KMT2A: variants seen among roughly 807,000 people sequenced by gnomAD.
The protein encoded by KMT2A is histone-lysine N-methyltransferase 2A.
A neutral mutation model predicts 345.3 loss-of-function variants in KMT2A; 16 were observed. That is an observed-to-expected ratio of 0.05 (90% CI 0.03 to 0.07). The LOEUF is 0.07. KMT2A is among the 10% of genes least tolerant of loss of function. The pLI is 1.00. For missense variants in KMT2A, 3,272 were observed against 4,841.6 expected, an observed-to-expected ratio of 0.68 and a Z score of 9.62; for synonymous variants, 1,599 against 1,778.6, an observed-to-expected ratio of 0.90 and a Z score of 2.54.
intron 10 of KMT2A, among the ~76,000 whole-genome samples, chr11:118,486,488 A>T (rs1442771692): frequency 6.6e-6 from 1 of 152,122 alleles, no homozygotes; most frequent in Non-Finnish European, 1.5e-5. Flanking sequence ...TTTATAAGGG[A>T]CATATCCTAC....
intron 1 of KMT2A, among the ~76,000 whole-genome samples, chr11:118,461,883 G>C (rs1253172616): frequency 6.6e-6 from 1 of 152,176 alleles, no homozygotes; most frequent in Non-Finnish European, 1.5e-5. Flanking sequence ...GAGAGTGATG[G>C]AGCAAGATGA....
intron 28 of KMT2A, 55 bp downstream of exon 28, chr11:118,507,664 T>G (rs1338029826): frequency 1.4e-6 from 2 of 1,461,086 alleles, no homozygotes; most frequent in Non-Finnish European, 1.9e-6. Flanking sequence ...TCCACCTCAT[T>G]TAAAAAATAG....
chr11:118,439,158 C>CAAAAAAAAAAAAA, intron 1 of KMT2A: 8 of 265,446 alleles, frequency 3.0e-5, no homozygotes, highest in Admixed American at 5.3e-5. Flanking sequence ...GATACAGCAG[C>CAAAAAAAAAAAAA]AAAAAAAAAA....
chr11:118,480,368 C>A (rs1950110410), intron 6 of KMT2A, 130 bp downstream of exon 6: 1 of 633,820 alleles, frequency 1.6e-6, no homozygotes, highest in Non-Finnish European at 2.7e-6. Flanking sequence ...ATTGTTGAAG[C>A]TAGGTAATAG....
In KMT2A at chr11:118,498,275, G is replaced by A; in HGVS notation, c.5803-95G>A. Reference sequence around the variant, plus strand: ...TTATCAATAGATAAAATGAATTGTAGGAACTGTAGAATGGGATGAGTCTAT... The same window carrying A: ...TTATCAATAGATAAAATGAATTGTAAGAACTGTAGAATGGGATGAGTCTAT... On this transcript the variant is annotated intron_variant, in intron 21 of 35. Coordinates refer to ENST00000534358, the MANE Select transcript of KMT2A (RefSeq NM_001197104.2). This position sits in a 1 kb window ranked among gnomAD's most constrained non-coding sequence, Gnocchi z 4.4. 8.0e-7 allele frequency: 1 copy of A among 1,244,628 alleles called. No homozygotes were observed. The highest frequency in any genetic ancestry group is 1.1e-6 in the Non-Finnish European group (1 of 891,366). 77.1% of individuals were successfully genotyped at this position (1,244,628 alleles called of 1,614,324 possible). A position where few individuals can be genotyped will look rare whatever the true frequency, so the allele number is the denominator to read the frequency against.
chr11:118,514,309 CT>C (rs2135256209), intron 31 of KMT2A, among the ~76,000 whole-genome samples: 1 of 152,334 alleles, frequency 6.6e-6, no homozygotes, highest in East Asian at 1.9e-4. Context: ...TCTACGGATC[CT>C]TACATGGCGA....
At chr11:118,515,314 C>CAAGAA (rs1950787926) in intron 31 of KMT2A, among the ~76,000 whole-genome samples, 1 of 152,222 alleles carries the variant, frequency 6.6e-6, no homozygotes, top group Non-Finnish European at 1.5e-5. Context: ...AGACTTTGCT[C>CAAGAA]AAGGTCACCT....
intron 1 of KMT2A, among the ~76,000 whole-genome samples, chr11:118,457,685 T>C (rs1555031326): frequency 6.6e-6 from 1 of 151,856 alleles, no homozygotes; most frequent in Non-Finnish European, 1.5e-5. Context: ...CTCTGTGCCT[T>C]TGTATGTGTT....
At position 118,436,841 on chromosome 11, in the gene KMT2A, C is replaced by T. The variant is rs782228843; in HGVS notation, c.329C>T (p.Pro110Leu). ...SSGPALLRVG[P>L]GFDAALQVSA... ...GGGCCGGCCCTGCTCCGGGTGGGCC[C>T]GGGCTTCGACGCGGCGCTGCAGGTC... Residue 110 changes from proline (P) to leucine (L), a missense_variant, in exon 1 of 36, where the codon CCG (proline) becomes CTG (leucine). This residue lies in a region of KMT2A where 412 missense variants were observed against 511.0 expected (regional missense o/e 0.81). Coordinates refer to ENST00000534358, the MANE Select transcript of KMT2A (RefSeq NM_001197104.2). This position sits in a 1 kb window ranked among gnomAD's most constrained non-coding sequence, Gnocchi z 6.9. The T allele has an allele frequency of 1.2e-6, 2 of 1,604,194 alleles. No individual in the cohort carries two copies. The highest frequency in any genetic ancestry group is 1.7e-6 in the Non-Finnish European group (2 of 1,175,992).
chr11:118,475,505 C>T (rs1591378271), intron 3 of KMT2A, among the ~76,000 whole-genome samples: 1 of 152,114 alleles, frequency 6.6e-6, no homozygotes, highest in Admixed American at 6.6e-5. Flanking sequence ...AGGTGGATCA[C>T]GAGGTCAGGA....
At chr11:118,508,744 A>C (rs1950633193) in intron 28 of KMT2A, among the ~76,000 whole-genome samples, 1 of 151,984 alleles carries the variant, frequency 6.6e-6, no homozygotes, top group African/African-American at 2.4e-5. Context: ...AAAAGGTGAA[A>C]ATTGATTGTG....
At position 118,502,825 on chromosome 11, in the gene KMT2A, C is replaced by G. The variant is rs1015615897; in HGVS notation, c.6933C>G (p.Thr2311=). 5.6e-6 allele frequency: 9 copies of G among 1,614,014 alleles called. No individual in the cohort carries two copies. The highest frequency in any genetic ancestry group is 7.6e-6 in the Non-Finnish European group (9 of 1,180,026). Reference sequence around the variant, plus strand: ...GCTCCTCTTTAAAGGGAGAGAAGACCAAAGTGCTGAGTTCCAAGAGCTCAG... The same window carrying G: ...GCTCCTCTTTAAAGGGAGAGAAGACGAAAGTGCTGAGTTCCAAGAGCTCAG... ...SKSSSLKGEK[T]KVLSSKSSEG... The change falls in exon 27 of 36, where the codon ACC becomes ACG. Residue 2311 remains threonine, a synonymous_variant. Transcript: ENST00000534358. The surrounding 1 kb of genome is among the most constrained non-coding windows in gnomAD (Gnocchi z 4.9).
At position 118,476,340 on chromosome 11, in the gene KMT2A, G is replaced by C. The variant is rs919169196; in HGVS notation, c.3157-465G>C. On this transcript the variant is annotated intron_variant, in intron 3 of 35. Coordinates refer to ENST00000534358, the MANE Select transcript of KMT2A (RefSeq NM_001197104.2). The surrounding 1 kb of genome is among the most constrained non-coding windows in gnomAD (Gnocchi z 4.1). ...AGACTGGCAGCTTGAATTTTGAGGG[G>C]AATTTAAAATAGTAGTATAATTGGG... Among the ~76,000 whole-genome samples the C allele has an allele frequency of 1.3e-5, 2 of 152,136 alleles. No homozygotes were observed. Among genetic ancestry groups the C allele is most frequent in the Admixed American group, 1.3e-4 (2 of 15,274 alleles).
At chr11:118,518,606 C>A (rs1479730468) in intron 31 of KMT2A, among the ~76,000 whole-genome samples, 6 of 151,798 alleles carry the variant, frequency 4.0e-5, no homozygotes, top group Non-Finnish European at 8.8e-5. Flanking sequence ...TATGGTGAAA[C>A]CTTGTCTCTA....
chr11:118,446,212 C>T (rs910670801), intron 1 of KMT2A, among the ~76,000 whole-genome samples: 4 of 151,270 alleles, frequency 2.6e-5, no homozygotes, highest in African/African-American at 4.9e-5. Context: ...AGCTACATGT[C>T]GTGGTGCACA....
intron 1 of KMT2A, among the ~76,000 whole-genome samples, chr11:118,463,879 G>T (rs1949792302): frequency 6.6e-6 from 1 of 152,180 alleles, no homozygotes; most frequent in African/African-American, 2.4e-5. Context: ...GTAGTTTGAG[G>T]CACTAAGAAG....
At chr11:118,479,727 G>A (rs2134292353) in intron 5 of KMT2A, among the ~76,000 whole-genome samples, 1 of 152,176 alleles carries the variant, frequency 6.6e-6, no homozygotes, top group East Asian at 1.9e-4. Context: ...TCTAAATTTA[G>A]GGGTGAAGTA....
Position 118,494,873 on chromosome 11 carries a change from A to G in KMT2A, c.5363+106A>G. 2.5e-6 allele frequency: 2 copies of G among 814,890 alleles called. No homozygotes were observed. The highest frequency in any genetic ancestry group is 4.1e-6 in the Non-Finnish European group (2 of 491,490). 50.5% of individuals were successfully genotyped at this position (814,890 alleles called of 1,614,324 possible). On this transcript the variant is annotated intron_variant, in intron 18 of 35. Transcript: ENST00000534358. The surrounding 1 kb of genome is among the most constrained non-coding windows in gnomAD (Gnocchi z 5.8). ...CCAAAAGGTTTTAATACTAGAAATG[A>G]ATTGGTTGAAATGCCTTTTCGGTGT...
chr11:118,492,812 A>G (rs1239868574), intron 15 of KMT2A, among the ~76,000 whole-genome samples: 1 of 152,218 alleles, frequency 6.6e-6, no homozygotes, highest in Non-Finnish European at 1.5e-5. Flanking sequence ...ACTGAACACA[A>G]TTTCAGCTTC....
Sources: gnomAD v4.1 joint callset for allele counts (sites outside exome capture counted in the v4.1 genomes callset) on GRCh38, gnomAD v4.1.1 for gene constraint, gnomAD v4.1.1 regional missense constraint, Gnocchi (gnomAD v3.1) non-coding constraint, MANE v1.5 for transcripts, NCBI Gene and HGNC (gene_info 2026-07-23, HGNC 2026-07-21) for gene names.